The following TMEM132B variants were observed in gnomAD, a reference collection of about 807,000 sequenced individuals.
The protein encoded by TMEM132B is transmembrane protein 132B.
In TMEM132B, 18 loss-of-function variants were observed where a neutral mutation model predicts 90.8. The ratio of observed to expected loss-of-function variants is 0.20; its 90% CI spans 0.14 to 0.29. The LOEUF (loss-of-function observed/expected upper bound fraction) is 0.29, where lower values mean the gene tolerates loss of function less well. Among genes scored for constraint, TMEM132B ranks in the 10% least tolerant of loss-of-function variants. The probability of loss-of-function intolerance (pLI) is 1.00; values close to 1 mark genes in which losing one functional copy is unlikely to be tolerated. For missense variants in TMEM132B, 1,096 were observed against 1,326.8 expected (o/e 0.83, Z 2.70); for synonymous variants, 504 against 523.3 (o/e 0.96, Z 0.50).
chr12:125,532,569 C>T (rs1023313701), intron 4 of TMEM132B, among the ~76,000 whole-genome samples: 2 of 151,330 alleles, frequency 1.3e-5, no homozygotes, highest in African/African-American at 2.4e-5. Context: ...GGCTGGAGTG[C>T]AGTGGTGCGA....
intron 5 of TMEM132B, chr12:125,587,956 A>C (rs1885218591): frequency 6.6e-6 from 1 of 152,232 alleles, no homozygotes; most frequent in Non-Finnish European, 1.5e-5. Context: ...TGAGAAGAAA[A>C]GGCTCAGGGG....
chr12:125,313,599 C>A (rs1876175058), intron 1 of TMEM132B, among the ~76,000 whole-genome samples: 1 of 80,766 alleles, frequency 1.2e-5, no homozygotes, highest in Non-Finnish European at 2.5e-5. Context: ...CTTTTGCCCT[C>A]CCCTCCCCTT....
At position 125,492,669 on chromosome 12, in the gene TMEM132B, G is replaced by A. The variant is rs1882386005; in HGVS notation, c.1107-26770G>A. Among the ~76,000 whole-genome samples, 1 of 152,132 alleles carries A rather than the reference G, an allele frequency of 6.6e-6. No individual in the cohort carries two copies. The highest frequency in any genetic ancestry group is 6.5e-5 in the Admixed American group (1 of 15,280). On this transcript the variant is annotated intron_variant, in intron 3 of 8. Transcript: ENST00000682704. The surrounding 1 kb of genome is among the most constrained non-coding windows in gnomAD (Gnocchi z 5.8). ...GTCTGAGAGGGGCAGGAAGGCAGTGGTGGCCCGGCCTGTGCTCTGTCCCTG... is the reference window on the plus strand; with the variant it reads ...GTCTGAGAGGGGCAGGAAGGCAGTGATGGCCCGGCCTGTGCTCTGTCCCTG...
rs1957764635 is a variant in TMEM132B at position 125,187,101 on chromosome 12, C to T, written c.67+235C>T. Reference sequence around the variant, plus strand: ...AGCTTCCTTGCGGATCCTTTCGGGACGCACGGGGGCCACAGACCGGGGCAC... The same window carrying T: ...AGCTTCCTTGCGGATCCTTTCGGGATGCACGGGGGCCACAGACCGGGGCAC... On this transcript the variant is annotated intron_variant, in intron 1 of 8. Coordinates refer to ENST00000682704, the MANE Select transcript of TMEM132B (RefSeq NM_001366854.1). Among the ~76,000 whole-genome samples, 3 of 152,144 alleles carry T rather than the reference C, an allele frequency of 2.0e-5. No individual in the cohort carries two copies. The South Asian group carries it at 6.2e-4, about 31-fold the overall frequency.
intron 3 of TMEM132B, among the ~76,000 whole-genome samples, chr12:125,465,237 T>C (rs978026435): frequency 6.6e-6 from 1 of 152,204 alleles, no homozygotes; most frequent in Non-Finnish European, 1.5e-5. Context: ...GTCCTCTCAA[T>C]GATCAGAAAT....
chr12:125,442,396 G>A (rs1240862603), intron 3 of TMEM132B, among the ~76,000 whole-genome samples: 1 of 152,196 alleles, frequency 6.6e-6, no homozygotes, highest in Non-Finnish European at 1.5e-5. Context: ...AAATACTACA[G>A]TTATTTAAAA....
chr12:125,260,367 G>T, intron 1 of TMEM132B, among the ~76,000 whole-genome samples: 1 of 152,090 alleles, frequency 6.6e-6, no homozygotes, highest in East Asian at 1.9e-4. Context: ...ATTTATGTAT[G>T]TTTTTCTATT....
intron 4 of TMEM132B, 66 bp downstream of exon 4, chr12:125,519,691 A>G (rs1859457): frequency 0.089 from 133,177 of 1,504,772 alleles, 13,352 homozygotes; most frequent in African/African-American, 0.45. Context: ...GATGCACTGT[A>G]TAATCTGTTA....
intron 1 of TMEM132B, among the ~76,000 whole-genome samples, chr12:125,326,860 A>G (rs1258587315): frequency 6.6e-6 from 1 of 151,946 alleles, no homozygotes; most frequent in Non-Finnish European, 1.5e-5. Context: ...CCTTGTTACT[A>G]TTGAAACTGT....
chr12:125,470,770 A>G (rs1182646478), intron 3 of TMEM132B, among the ~76,000 whole-genome samples: 2 of 152,142 alleles, frequency 1.3e-5, no homozygotes. Flanking sequence ...GGGCTCACTG[A>G]TATGCTCATG....
At chr12:125,222,029 C>G (rs1263613399) in intron 1 of TMEM132B, among the ~76,000 whole-genome samples, 1 of 152,202 alleles carries the variant, frequency 6.6e-6, no homozygotes, top group Non-Finnish European at 1.5e-5. Context: ...ATGAAACTGG[C>G]TTGCTGTAGA....
intron 1 of TMEM132B, among the ~76,000 whole-genome samples, chr12:125,280,620 C>T (rs1875134647): frequency 6.6e-6 from 1 of 152,236 alleles, no homozygotes; most frequent in East Asian, 1.9e-4. Flanking sequence ...TGTCAGGGCG[C>T]TGGGAGCAGA....
At chr12:125,438,951 T>G (rs900695641) in intron 3 of TMEM132B, among the ~76,000 whole-genome samples, 3 of 152,232 alleles carry the variant, frequency 2.0e-5, no homozygotes, top group African/African-American at 2.4e-5. Flanking sequence ...ATTCCATAAT[T>G]TATTTTCCCA....
chr12:125,280,689 A>G (rs958465034), intron 1 of TMEM132B, among the ~76,000 whole-genome samples: 2 of 152,038 alleles, frequency 1.3e-5, no homozygotes, highest in Non-Finnish European at 2.9e-5. Context: ...TAGTCACATG[A>G]CCCCACCCAG....
At chr12:125,653,456 T>C in intron 8 of TMEM132B, 109 bp from the exon 9 acceptor site, 1 of 1,242,566 alleles carries the variant, frequency 8.0e-7, no homozygotes, top group Non-Finnish European at 1.1e-6. Flanking sequence ...TATAAAACTA[T>C]AGAAATCTTC....
chr12:125,398,436 C>T (rs1879224701), intron 2 of TMEM132B, among the ~76,000 whole-genome samples: 1 of 152,186 alleles, frequency 6.6e-6, no homozygotes, highest in South Asian at 2.1e-4. Context: ...TCATTTCCTT[C>T]TAAGTCAATG....
At chr12:125,207,580 C>A (rs889394798) in intron 1 of TMEM132B, among the ~76,000 whole-genome samples, 4 of 152,132 alleles carry the variant, frequency 2.6e-5, no homozygotes, top group Non-Finnish European at 5.9e-5. Flanking sequence ...TTGCATTAAA[C>A]ATACATAACA....
rs146273651 is a variant in TMEM132B at position 125,343,067 on chromosome 12, C to T, written c.68-6385C>T. ...TTCTCCAGGGTACAATAAAGGGATACAGCTGGAGGTAGGAGCAAACTGGGA... is the reference window on the plus strand; with the variant it reads ...TTCTCCAGGGTACAATAAAGGGATATAGCTGGAGGTAGGAGCAAACTGGGA... On this transcript the variant is annotated intron_variant, in intron 1 of 8. Transcript: ENST00000682704. 2.2e-3 allele frequency among the ~76,000 whole-genome samples: 331 copies of T among 152,254 alleles called. 4 individuals are homozygous for T. Among genetic ancestry groups the T allele is most frequent in the African/African-American group, 7.6e-3 (315 of 41,540 alleles).
intron 3 of TMEM132B, among the ~76,000 whole-genome samples, chr12:125,481,722 T>C (rs1337326567): frequency 6.6e-6 from 1 of 152,162 alleles, no homozygotes; most frequent in East Asian, 1.9e-4. Context: ...AAGCTACCAA[T>C]GACTTTCTTC....
Sources: allele counts gnomAD v4.1 joint callset (sites outside exome capture counted in the v4.1 genomes callset), GRCh38; gene constraint gnomAD v4.1.1; non-coding constraint Gnocchi (gnomAD v3.1); transcripts MANE v1.5; gene names NCBI Gene and HGNC (gene_info 2026-07-23, HGNC 2026-07-21).